APC: variants seen among roughly 807,000 people sequenced by gnomAD.
The protein encoded by APC is adenomatous polyposis coli protein.
APC carries 72 observed loss-of-function variants against 247.0 expected under a neutral mutation model. The ratio of observed to expected loss-of-function variants is 0.29; its 90% CI spans 0.24 to 0.35. The LOEUF (loss-of-function observed/expected upper bound fraction) is 0.35. Ranked by LOEUF, APC falls within the 10% of genes least tolerant of loss-of-function variation. The pLI, the probability that APC is intolerant of heterozygous loss-of-function variation, is 1.00. For missense variants in APC, 3,400 were observed against 3,360.7 expected (o/e 1.01, Z -0.29); for synonymous variants, 1,254 against 1,162.5 (o/e 1.08, Z -1.60).
At chr5:112,806,770 A>C (rs1416894387) in intron 8 of APC, among the ~76,000 whole-genome samples, 1 of 151,934 alleles carries the variant, frequency 6.6e-6, no homozygotes, top group African/African-American at 2.4e-5. Flanking sequence ...TAGAGATAGG[A>C]TCTCACTATA....
At chr5:112,759,608 G>A (rs768822586) in intron 2 of APC, among the ~76,000 whole-genome samples, 6 of 151,826 alleles carry the variant, frequency 4.0e-5, no homozygotes, top group African/African-American at 9.7e-5. Flanking sequence ...CTCCTGCCTC[G>A]GCCTCCAAAG....
rs144735425 is a variant in APC at position 112,791,613 on chromosome 5, C to G, written c.646-833C>G. Among the ~76,000 whole-genome samples, 2 of 152,270 alleles carry G rather than the reference C, an allele frequency of 1.3e-5. 1 individual carries two copies. Among genetic ancestry groups the G allele is most frequent in the East Asian group, 3.9e-4 (2 of 5,180 alleles). ...ATCCTGAGACTTCCCCTGCCCCAGT[C>G]AGTAGACAAATTTCTTCCACGAAAC... On this transcript the variant is annotated intron_variant, in intron 6 of 15. Transcript: ENST00000257430.
chr5:112,842,339 A>G lies in APC; in HGVS notation c.6745A>G (p.Lys2249Glu), dbSNP rs1561609794. 1.2e-6 allele frequency: 2 copies of G among 1,613,964 alleles called. No individual in the cohort carries two copies. The highest frequency in any genetic ancestry group is 1.1e-5 in the South Asian group (1 of 91,066). ...SSSSTSPVSK[K>E]GPPLKTPASK... ...CTCAAGTACAAGTCCTGTTTCTAAA[A>G]AAGGCCCACCCCTTAAGACTCCAGC... is the stretch of plus-strand genomic sequence containing the variant. Residue 2249 changes from lysine (K) to glutamate (E), a missense_variant, in exon 16 of 16, where the codon AAA becomes GAA. By Grantham distance (56) the Lys-to-Glu change is moderately conservative. Coordinates refer to ENST00000257430, the MANE Select transcript of APC (RefSeq NM_000038.6).
chr5:112,776,104 A>T (rs536657733), intron 5 of APC, among the ~76,000 whole-genome samples: 67 of 152,228 alleles, frequency 4.4e-4, no homozygotes, highest in Non-Finnish European at 8.2e-4. Context: ...GTGTTGCAGG[A>T]ATCATGCCAA....
intron 11 of APC, among the ~76,000 whole-genome samples, chr5:112,824,029 C>G (rs1763402833): frequency 6.6e-6 from 1 of 152,220 alleles, no homozygotes. Context: ...TGGTGACTAT[C>G]TAAACCAAAT....
At chr5:112,763,960 G>A (rs897997424) in intron 2 of APC, among the ~76,000 whole-genome samples, 6 of 152,044 alleles carry the variant, frequency 3.9e-5, no homozygotes, top group African/African-American at 9.7e-5. Flanking sequence ...CTGATCGGCC[G>A]GGCGCGGTGG....
intron 5 of APC, among the ~76,000 whole-genome samples, chr5:112,776,890 G>C (rs1397503899): frequency 1.3e-5 from 2 of 151,866 alleles, no homozygotes; most frequent in Admixed American, 1.3e-4. Flanking sequence ...ACTCACTAGA[G>C]GAATCTTTAA....
In APC at chr5:112,838,211, T is replaced by A. The variant is rs573719088; in HGVS notation, c.2617T>A (p.Ser873Thr). ...TCCAGCAACAGAAAATCCAGGAACT[T>A]CTTCAAAGCGAGGTTTGCAGATCTC... is the stretch of plus-strand genomic sequence containing the variant. The part of the protein sequence containing the change: ...YHPATENPGT[S>T]SKRGLQISTT... The change falls in exon 16 of 16, where the codon TCT (serine) becomes ACT (threonine). Residue 873 changes from serine (S) to threonine (T), a missense_variant. Ser to Thr is a moderately conservative substitution (Grantham distance 58). Around this residue, in one of 9 missense-constraint regions of APC, gnomAD observed 715 missense variants for 656.6 expected, o/e 1.09. Coordinates refer to ENST00000257430, the MANE Select transcript of APC (RefSeq NM_000038.6). 2 of 1,613,920 alleles carry A rather than the reference T, an allele frequency of 1.2e-6. No individual in the cohort carries two copies. The highest frequency in any genetic ancestry group is 2.7e-5 in the African/African-American group (2 of 74,934).
At chr5:112,740,224 A>G (rs1374925718) in intron 1 of APC, among the ~76,000 whole-genome samples, 1 of 152,220 alleles carries the variant, frequency 6.6e-6, no homozygotes, top group Non-Finnish European at 1.5e-5. Context: ...TCATAATGAC[A>G]TTCATAAACG....
rs1246617206 is a variant in APC, at chr5:112,805,975, T to A, written c.834+4592T>A. 4.6e-5 allele frequency among the ~76,000 whole-genome samples: 7 copies of A among 152,340 alleles called. 1 individual carries two copies. Among genetic ancestry groups the A allele is most frequent in the African/African-American group, 1.7e-4 (7 of 41,584 alleles). On this transcript the variant is annotated intron_variant, in intron 8 of 15. Coordinates refer to ENST00000257430, the MANE Select transcript of APC (RefSeq NM_000038.6). ...GGTAACCTGGCCCCTACCTATCTTG[T>A]CAGCTTTATGTCACATCTTGCTCTC...
intron 5 of APC, among the ~76,000 whole-genome samples, chr5:112,779,294 T>C (rs1758064573): frequency 6.6e-6 from 1 of 152,140 alleles, no homozygotes; most frequent in Non-Finnish European, 1.5e-5. Context: ...TTAGAGAATA[T>C]ACAAAAATCC....
At chr5:112,728,942 A>G (rs1751949689) in intron 1 of APC, among the ~76,000 whole-genome samples, 1 of 152,176 alleles carries the variant, frequency 6.6e-6, no homozygotes, top group African/African-American at 2.4e-5. Context: ...CTAACACACA[A>G]TATTGAAATC....
In APC at chr5:112,828,023, C is replaced by A. The variant is rs1763893929; in HGVS notation, c.1626+17C>A. On this transcript the variant is annotated intron_variant, in intron 13 of 15. Coordinates refer to ENST00000257430, the MANE Select transcript of APC (RefSeq NM_000038.6). ...TTACAGCAGGTACTATTTAGAATTT[C>A]ACCTGTTTTTCTTTTTTCTCTTTTT... The A allele has an allele frequency of 1.2e-6, 2 of 1,606,524 alleles. No individual in the cohort carries two copies. Among genetic ancestry groups the A allele is most frequent in the African/African-American group, 2.7e-5 (2 of 74,700 alleles).
chr5:112,801,141 G>A, intron 7 of APC, 138 bp from the exon 8 acceptor site: 2 of 641,444 alleles, frequency 3.1e-6, no homozygotes, highest in Non-Finnish European at 5.7e-6. Flanking sequence ...GTTATGAAGT[G>A]TAATACACAG....
intron 6 of APC, among the ~76,000 whole-genome samples, chr5:112,783,473 C>G (rs369822998): frequency 6.6e-6 from 1 of 151,814 alleles, no homozygotes. Flanking sequence ...CCCTACTCTA[C>G]AAGGATCACC....
chr5:112,725,231 C>A (rs1417668713), intron 1 of APC, among the ~76,000 whole-genome samples: 8 of 152,050 alleles, frequency 5.3e-5, no homozygotes, highest in African/African-American at 1.9e-4. Flanking sequence ...CCTTGGTCCC[C>A]AAAAGTGCTA....
At position 112,804,893 on chromosome 5, in the gene APC, A is replaced by G. The variant is rs77583253; in HGVS notation, c.834+3510A>G. Among the ~76,000 whole-genome samples, 1 of 152,094 alleles carries G rather than the reference A, an allele frequency of 6.6e-6. No individual in the cohort carries two copies. Among genetic ancestry groups the G allele is most frequent in the African/African-American group, 2.4e-5 (1 of 41,414 alleles). ...GCTACTTGGGAGGCCGTGTGGGAGG[A>G]TCACTTGAGCCTGGGAGGTCAAGGC... On this transcript the variant is annotated intron_variant, in intron 8 of 15. Coordinates refer to ENST00000257430, the MANE Select transcript of APC (RefSeq NM_000038.6).
At chr5:112,725,974 A>G (rs1751751996) in intron 1 of APC, among the ~76,000 whole-genome samples, 1 of 152,082 alleles carries the variant, frequency 6.6e-6, no homozygotes, top group Non-Finnish European at 1.5e-5. Flanking sequence ...GAGTTCCCTG[A>G]CCCCTGTTGC....
At chr5:112,717,775 G>C (rs1478836291) in intron 1 of APC, among the ~76,000 whole-genome samples, 3 of 151,880 alleles carry the variant, frequency 2.0e-5, no homozygotes, top group Non-Finnish European at 4.4e-5. Flanking sequence ...ATCAGTCCTG[G>C]AAGTTTCTTA....
Sources: gnomAD v4.1 joint callset for allele counts (sites outside exome capture counted in the v4.1 genomes callset) on GRCh38, gnomAD v4.1.1 for gene constraint, gnomAD v4.1.1 regional missense constraint, MANE v1.5 for transcripts, NCBI Gene and HGNC (gene_info 2026-07-23, HGNC 2026-07-21) for gene names.